EPS15: variants seen among roughly 807,000 people sequenced by gnomAD.
EPS15 encodes epidermal growth factor receptor pathway substrate 15.
A neutral mutation model predicts 113.8 loss-of-function variants in EPS15; 72 were observed. The observed-to-expected ratio is 0.63, with a 90% CI of 0.52 to 0.77. The LOEUF (loss-of-function observed/expected upper bound fraction) is 0.77, where lower values mean the gene tolerates loss of function less well. Among genes scored for constraint, EPS15 ranks in the 30% least tolerant of loss-of-function variants. EPS15 has a pLI of 0.00. For synonymous variants in EPS15, 344 were observed against 363.4 expected, an observed-to-expected ratio of 0.95 and a Z score of 0.61; for missense variants, 1,048 against 1,045.8, an observed-to-expected ratio of 1.00 and a Z score of -0.03.
intron 21 of EPS15, among the ~76,000 whole-genome samples, chr1:51,386,695 G>A (rs1204407075): frequency 2.6e-5 from 4 of 152,188 alleles, no homozygotes; most frequent in Non-Finnish European, 5.9e-5. Context: ...CAGCCAATGC[G>A]ATCAACTGGA....
At position 51,355,921 on chromosome 1, in the gene EPS15, A is replaced by G; in HGVS notation, c.*779T>C. On this transcript the variant is annotated 3_prime_UTR_variant, in exon 25 of 25. Coordinates refer to ENST00000371733, the MANE Select transcript of EPS15 (RefSeq NM_001981.3). Reference sequence around the variant, plus strand: ...AGGTGATAAATTTTCTCCACTATCTATCACTTAAAATGAACATTTTCTTAC... The same window carrying G: ...AGGTGATAAATTTTCTCCACTATCTGTCACTTAAAATGAACATTTTCTTAC... 5.2e-6 allele frequency: 1 copy of G among 192,698 alleles called. No individual in the cohort carries two copies. The highest frequency in any genetic ancestry group is 1.1e-5 in the Non-Finnish European group (1 of 92,278). 11.9% of individuals were successfully genotyped at this position (192,698 alleles called of 1,614,324 possible).
At chr1:51,506,792 A>C (rs916228803) in intron 1 of EPS15, among the ~76,000 whole-genome samples, 5 of 152,090 alleles carry the variant, frequency 3.3e-5, no homozygotes, top group Non-Finnish European at 5.9e-5. Context: ...GCCAGAAAAA[A>C]AAAAAAAAAC....
intron 21 of EPS15, among the ~76,000 whole-genome samples, chr1:51,387,411 C>A (rs1647113050): frequency 6.6e-6 from 1 of 151,974 alleles, no homozygotes; most frequent in South Asian, 2.1e-4. Context: ...ACTGCATCAA[C>A]TAATGAGCAA....
chr1:51,433,184 C>T (rs890187922), intron 12 of EPS15, among the ~76,000 whole-genome samples: 1 of 152,190 alleles, frequency 6.6e-6, no homozygotes, highest in Non-Finnish European at 1.5e-5. Flanking sequence ...CTACATAGTT[C>T]CATTCACTCT....
At chr1:51,421,925 C>T (rs561375092) in intron 12 of EPS15, 67 bp from the exon 13 acceptor site, 9 of 1,593,892 alleles carry the variant, frequency 5.6e-6, no homozygotes, top group South Asian at 2.3e-5. Flanking sequence ...GGTTATCCAT[C>T]CTCCTAATCC....
chr1:51,492,408 A>G (rs575510396), intron 1 of EPS15, among the ~76,000 whole-genome samples: 1 of 152,328 alleles, frequency 6.6e-6, no homozygotes, highest in East Asian at 1.9e-4. Flanking sequence ...CAAAATCCAG[A>G]TAAAAAAATA....
intron 21 of EPS15, among the ~76,000 whole-genome samples, chr1:51,385,893 G>A (rs185026473): frequency 2.0e-4 from 30 of 152,180 alleles, no homozygotes; most frequent in Admixed American, 5.9e-4. Flanking sequence ...AGGATAGGGA[G>A]TTATTATTTA....
intron 21 of EPS15, chr1:51,372,415 C>T: frequency 1.9e-6 from 1 of 534,948 alleles, no homozygotes; most frequent in South Asian, 1.4e-5. Flanking sequence ...CTTGATGTAT[C>T]CAACAGTTCT....
intron 21 of EPS15, among the ~76,000 whole-genome samples, chr1:51,374,447 T>C (rs1386997899): frequency 6.6e-6 from 1 of 152,032 alleles, no homozygotes; most frequent in African/African-American, 2.4e-5. Context: ...TTACTAAAAA[T>C]ACAAAAATTA....
intron 12 of EPS15, among the ~76,000 whole-genome samples, chr1:51,422,297 A>C (rs1489232421): frequency 6.6e-6 from 1 of 152,192 alleles, no homozygotes; most frequent in Non-Finnish European, 1.5e-5. Context: ...AAGGAAAAAG[A>C]CATTTACTGA....
chr1:51,471,768 ATATTT>A, intron 3 of EPS15, 31 bp from the exon 4 acceptor site: 1 of 1,530,208 alleles, frequency 6.5e-7, no homozygotes, highest in Non-Finnish European at 9.0e-7. Context: ...ATATCAATGT[ATATTT>A]TAAACAAAAG....
At chr1:51,513,205 T>C (rs1644657624) in intron 1 of EPS15, among the ~76,000 whole-genome samples, 1 of 152,200 alleles carries the variant, frequency 6.6e-6, no homozygotes, top group South Asian at 2.1e-4. Flanking sequence ...TTAATCCATA[T>C]GCTCACACAT....
At chr1:51,362,679 C>T (rs921989019) in intron 23 of EPS15, among the ~76,000 whole-genome samples, 10 of 151,922 alleles carry the variant, frequency 6.6e-5, no homozygotes, top group Admixed American at 5.9e-4. Flanking sequence ...TACAATTGTA[C>T]ATGCAATTCT....
chr1:51,467,824 G>A (rs879937021), intron 5 of EPS15, among the ~76,000 whole-genome samples: 2 of 152,092 alleles, frequency 1.3e-5, no homozygotes, highest in Non-Finnish European at 2.9e-5. Context: ...GAACAGTTTC[G>A]TTCTGAAACC....
chr1:51,435,343 G>A (rs1040427467), intron 12 of EPS15, among the ~76,000 whole-genome samples: 4 of 152,106 alleles, frequency 2.6e-5, no homozygotes, highest in South Asian at 2.1e-4. Flanking sequence ...ATAGGCATGC[G>A]CCACCACGCC....
chr1:51,468,678 G>T, intron 4 of EPS15, 110 bp from the exon 5 acceptor site: 1 of 683,182 alleles, frequency 1.5e-6, no homozygotes, highest in Non-Finnish European at 2.5e-6. Flanking sequence ...TACTACAGAG[G>T]TCTTATGTAG....
chr1:51,372,216 A>G, intron 21 of EPS15: 1 of 451,912 alleles, frequency 2.2e-6, no homozygotes, highest in Non-Finnish European at 4.5e-6. Context: ...CTACTGCTGG[A>G]GTTTGTGGGT....
intron 21 of EPS15, among the ~76,000 whole-genome samples, chr1:51,379,991 G>A (rs1371598694): frequency 6.6e-6 from 1 of 151,894 alleles, no homozygotes; most frequent in African/African-American, 2.4e-5. Flanking sequence ...GAAGCGACAG[G>A]GGGAGGATGC....
At chr1:51,385,811 AT>A (rs1362296018) in intron 21 of EPS15, among the ~76,000 whole-genome samples, 5 of 152,036 alleles carry the variant, frequency 3.3e-5, no homozygotes, top group African/African-American at 1.2e-4. Flanking sequence ...CAAAATATGA[AT>A]TTTTTTTATG....
Sources: gnomAD v4.1 joint callset for allele counts (sites outside exome capture counted in the v4.1 genomes callset) on GRCh38, gnomAD v4.1.1 for gene constraint, MANE v1.5 for transcripts, NCBI Gene and HGNC (gene_info 2026-07-23, HGNC 2026-07-21) for gene names.